Variants in GNLY observed in about 807,000 individuals in gnomAD.
GNLY encodes granulysin, also known as T-cell activation protein 519.
GNLY carries 15 observed loss-of-function variants against 18.5 expected under a neutral mutation model. The ratio of observed to expected loss-of-function variants is 0.81; its 90% CI spans 0.54 to 1.25. The LOEUF is 1.25. GNLY is among the 50% of genes most tolerant of loss of function. The pLI is 0.00. For synonymous variants in GNLY, 77 were observed against 74.9 expected (o/e 1.03, Z -0.14); for missense variants, 178 against 186.9 (o/e 0.95, Z 0.28).
rs1313785208 is a variant in GNLY, at chr2:85,697,601, A to G, written c.351A>G (p.Arg117=). 4.3e-6 allele frequency: 7 copies of G among 1,613,450 alleles called. No homozygotes were observed. The highest frequency in any genetic ancestry group is 5.9e-6 in the Non-Finnish European group (7 of 1,179,422). The change falls in exon 4 of 5, where the codon AGA becomes AGG. Residue 117 remains arginine, a synonymous_variant. Transcript: ENST00000263863. ...CRNFMRRYQS[R]VTQGLVAGET... ...ATTTCATGAGGAGGTATCAGTCTAG[A>G]GTTACCCAGGGCCTCGTGGCCGGAG... is the stretch of plus-strand genomic sequence containing the variant.
chr2:85,696,156 G>C lies in GNLY; in HGVS notation c.255+100G>C, dbSNP rs548624046. The C allele has an allele frequency of 1.2e-5, 8 of 657,640 alleles. No individual in the cohort carries two copies. In the South Asian group the frequency reaches 1.4e-4, roughly 12 times the overall value. 40.7% of individuals were successfully genotyped at this position (657,640 alleles called of 1,614,324 possible). ...GGGGAGCCCGGGGGCACCTTGCACA[G>C]TGATCCTGGGGGAGGGCTTCCTAGA... On this transcript the variant is annotated intron_variant, in intron 3 of 4. Transcript: ENST00000263863.
Position 85,694,433 on chromosome 2 carries a change from C to T in GNLY, c.15C>T (p.Ala5=), listed in dbSNP as rs1678348601. MATW[A]LLLLAAMLLG... is the part of the protein sequence containing the mutation. ...GCTGCCCCACCATGGCTACCTGGGC[C>T]CTCCTGCTCCTTGCAGCCATGCTCC... The change falls in exon 1 of 5, where the codon GCC becomes GCT. Residue 5 remains alanine, a synonymous_variant. Transcript: ENST00000263863. 1.2e-6 allele frequency: 2 copies of T among 1,613,958 alleles called. No individual in the cohort carries two copies. Among genetic ancestry groups the T allele is most frequent in the Admixed American group, 3.3e-5 (2 of 59,998 alleles).
At chr2:85,695,219 T>A in intron 1 of GNLY, 101 bp from the exon 2 acceptor site, 1 of 910,288 alleles carries the variant, frequency 1.1e-6, no homozygotes, top group Non-Finnish European at 1.8e-6. Flanking sequence ...CCAGCTCCTG[T>A]CCTAGGCCCT....
At position 85,698,632 on chromosome 2, in the gene GNLY, C is replaced by CCTCAGCAACCT. The variant is rs760100384; in HGVS notation, c.*61_*71dup. 1.0e-3 allele frequency: 1,619 copies of CCTCAGCAACCT among 1,613,568 alleles called. 1 individual carries two copies. The highest frequency in any genetic ancestry group is 1.3e-3 in the Non-Finnish European group (1,557 of 1,179,940). ...GGCTCCTGTCCTCAGATCCCGGGAACCTCAGCAACCTCTGCCGGCTCCTCG... is the reference window on the plus strand; with the variant it reads ...GGCTCCTGTCCTCAGATCCCGGGAACCTCAGCAACCTCTCAGCAACCTCTGCCGGCTCCTCG... On this transcript the variant is annotated 3_prime_UTR_variant, in exon 5 of 5. Coordinates refer to ENST00000263863, the MANE Select transcript of GNLY (RefSeq NM_006433.5).
rs2104450271 is a variant in GNLY, at chr2:85,698,681, T to C, written c.*107T>C. 6.2e-7 allele frequency: 1 copy of C among 1,605,510 alleles called. No homozygotes were observed. The highest frequency in any genetic ancestry group is 1.3e-5 in the African/African-American group (1 of 74,932). On this transcript the variant is annotated 3_prime_UTR_variant, in exon 5 of 5. Coordinates refer to ENST00000263863, the MANE Select transcript of GNLY (RefSeq NM_006433.5). ...CGCTTCCTCGATCCAGAATCCACTC[T>C]CCAGTCTCCCTCCCCTGACTCCCTC...
At position 85,696,038 on chromosome 2, in the gene GNLY, G is replaced by C; in HGVS notation, c.237G>C (p.Met79Ile). Residue 79 changes from methionine (M) to isoleucine (I), a missense_variant, in exon 3 of 5, where the codon ATG becomes ATC. By Grantham distance (10) the Met-to-Ile change is conservative. Coordinates refer to ENST00000263863, the MANE Select transcript of GNLY (RefSeq NM_006433.5). The part of the protein sequence containing the change: ...CLTIVQKLKK[M>I]VDKPTQRSVS... ...CGATAGTCCAAAAACTGAAGAAGATGGTGGATAAGCCCACCCAGGTGAGGC... is the reference window on the plus strand; with the variant it reads ...CGATAGTCCAAAAACTGAAGAAGATCGTGGATAAGCCCACCCAGGTGAGGC... The C allele has an allele frequency of 6.2e-7, 1 of 1,602,114 alleles. No homozygotes were observed. The highest frequency in any genetic ancestry group is 8.5e-7 in the Non-Finnish European group (1 of 1,169,718).
At chr2:85,694,552 CTG>C in intron 1 of GNLY, 82 bp downstream of exon 1, 1 of 1,406,942 alleles carries the variant, frequency 7.1e-7, no homozygotes, top group South Asian at 1.2e-5. Flanking sequence ...AGCTTGGACT[CTG>C]TGGGCACCCA....
intron 2 of GNLY, 94 bp from the exon 3 acceptor site, chr2:85,695,864 C>G (rs1487704350): frequency 1.4e-6 from 1 of 707,012 alleles, no homozygotes; most frequent in Non-Finnish European, 2.5e-6. Flanking sequence ...ACATTCCTGC[C>G]GGCCTCAGAA....
rs149497301 is a variant in GNLY, at chr2:85,695,355, G to C, written c.88G>C (p.Asp30His). Reference sequence around the variant, plus strand: ...CTCTCGTCTGAGCCCTGAGTACTACGACCTGGCAAGAGCCCACCTGCGTGA... The same window carrying C: ...CTCTCGTCTGAGCCCTGAGTACTACCACCTGGCAAGAGCCCACCTGCGTGA... ...VFSRLSPEYY[D>H]LARAHLRDEE... is the part of the protein sequence containing the mutation. Residue 30 changes from aspartate (D) to histidine (H), a missense_variant, in exon 2 of 5, where the codon GAC (aspartate) becomes CAC (histidine). Transcript: ENST00000263863. The C allele has an allele frequency of 3.1e-6, 5 of 1,613,804 alleles. No individual in the cohort carries two copies. The highest frequency in any genetic ancestry group is 3.4e-6 in the Non-Finnish European group (4 of 1,179,658).
Position 85,697,570 on chromosome 2 carries a change from G to A in GNLY, c.320G>A (p.Cys107Tyr). The A allele has an allele frequency of 6.2e-7, 1 of 1,613,396 alleles. No individual in the cohort carries two copies. The highest frequency in any genetic ancestry group is 8.5e-7 in the Non-Finnish European group (1 of 1,179,592). ...GGGAGGTCACGATGGCGCGACGTCT[G>A]CAGAAATTTCATGAGGAGGTATCAG... ...RTGRSRWRDV[C>Y]RNFMRRYQSR... Residue 107 changes from cysteine to tyrosine, a missense_variant, in exon 4 of 5, where the codon TGC (cysteine) becomes TAC (tyrosine). Physicochemically the swap from Cys to Tyr is radical, Grantham distance 194 (BLOSUM62 -2). Transcript: ENST00000263863.
chr2:85,694,570 C>A, intron 1 of GNLY, 100 bp downstream of exon 1: 1 of 1,223,948 alleles, frequency 8.2e-7, no homozygotes, highest in South Asian at 1.3e-5. Flanking sequence ...ACCCAGGTGC[C>A]CCTGCCTCCC....
chr2:85,694,881 A>C, intron 1 of GNLY: 1 of 1,544,816 alleles, frequency 6.5e-7, no homozygotes, highest in Non-Finnish European at 8.7e-7. Flanking sequence ...TGTTCAAGGC[A>C]GACTTCCTGC....
intron 1 of GNLY, chr2:85,695,038 T>C (rs775025629): frequency 1.3e-6 from 2 of 1,560,386 alleles, no homozygotes; most frequent in South Asian, 1.2e-5. Context: ...GAGGGAAGTT[T>C]CTAGACAAAC....
chr2:85,695,195 GCCCC>G (rs1678392604), intron 1 of GNLY, 121 bp from the exon 2 acceptor site: 1 of 819,878 alleles, frequency 1.2e-6, no homozygotes, highest in South Asian at 1.6e-5. Flanking sequence ...AGGTATCCTG[GCCCC>G]CTGCAAGGCC....
chr2:85,694,559 C>A, intron 1 of GNLY, 89 bp downstream of exon 1: 1 of 1,339,640 alleles, frequency 7.5e-7, no homozygotes. Flanking sequence ...ACTCTGTGGG[C>A]ACCCAGGTGC....
Position 85,694,397 on chromosome 2 carries a change from G to T in GNLY, c.-22G>T. Reference sequence around the variant, plus strand: ...CTGCCCATAAAACAGGGTGTGAAAGGCATCTCAGCGGCTGCCCCACCATGG... The same window carrying T: ...CTGCCCATAAAACAGGGTGTGAAAGTCATCTCAGCGGCTGCCCCACCATGG... On this transcript the variant is annotated 5_prime_UTR_variant, in exon 1 of 5. Transcript: ENST00000263863. The T allele has an allele frequency of 1.2e-6, 2 of 1,612,858 alleles. No homozygotes were observed. Among genetic ancestry groups the T allele is most frequent in the Non-Finnish European group, 1.7e-6 (2 of 1,178,886 alleles).
chr2:85,696,283 G>A, intron 3 of GNLY: 1 of 504,928 alleles, frequency 2.0e-6, no homozygotes, highest in Non-Finnish European at 3.5e-6. Flanking sequence ...AGTATACATG[G>A]TTTTCATCAT....
chr2:85,697,655 C>T lies in GNLY; in HGVS notation c.405C>T (p.Leu135=), dbSNP rs1161716454. 1 of 1,613,336 alleles carries T rather than the reference C, an allele frequency of 6.2e-7. No homozygotes were observed. Among genetic ancestry groups the T allele is most frequent in the East Asian group, 2.2e-5 (1 of 44,886 alleles). ...GETAQQICED[L]RLCIPSTGPL Reference sequence around the variant, plus strand: ...CTGCCCAGCAGATCTGTGAGGACCTCAGGTTGTGTATACCTTCTACAGGTG... The same window carrying T: ...CTGCCCAGCAGATCTGTGAGGACCTTAGGTTGTGTATACCTTCTACAGGTG... Residue 135 remains leucine (L), a synonymous_variant, in exon 4 of 5, where the codon CTC becomes CTT. Transcript: ENST00000263863.
rs772845876 is a variant in GNLY, at chr2:85,697,613, C to G, written c.363C>G (p.Gly121=). Reference sequence around the variant, plus strand: ...GGTATCAGTCTAGAGTTACCCAGGGCCTCGTGGCCGGAGAAACTGCCCAGC... The same window carrying G: ...GGTATCAGTCTAGAGTTACCCAGGGGCTCGTGGCCGGAGAAACTGCCCAGC... ...MRRYQSRVTQ[G]LVAGETAQQI... is the part of the protein sequence containing the mutation. The change falls in exon 4 of 5, where the codon GGC becomes GGG. Residue 121 remains glycine, a synonymous_variant. Transcript: ENST00000263863. The G allele has an allele frequency of 6.2e-7, 1 of 1,613,178 alleles. No individual in the cohort carries two copies. Among genetic ancestry groups the G allele is most frequent in the Non-Finnish European group, 8.5e-7 (1 of 1,179,124 alleles).
Sources: gnomAD v4.1 joint callset for allele counts on GRCh38, gnomAD v4.1.1 for gene constraint, MANE v1.5 for transcripts, NCBI Gene and HGNC (gene_info 2026-07-23, HGNC 2026-07-21) for gene names.